Variants in LHX4 observed in about 807,000 individuals in gnomAD.
The protein encoded by LHX4 is LIM/homeobox protein Lhx4.
A neutral mutation model predicts 39.2 loss-of-function variants in LHX4; 16 were observed. The ratio of observed to expected loss-of-function variants is 0.41; its 90% CI spans 0.28 to 0.62. The LOEUF (loss-of-function observed/expected upper bound fraction) is 0.62. Ranked by LOEUF, LHX4 falls within the 20% of genes least tolerant of loss-of-function variation. The probability of loss-of-function intolerance (pLI) is 0.33; values close to 1 mark genes in which losing one functional copy is unlikely to be tolerated. For missense variants in LHX4, 439 were observed against 511.9 expected, an observed-to-expected ratio of 0.86 and a Z score of 1.37; for synonymous variants, 206 against 198.1, an observed-to-expected ratio of 1.04 and a Z score of -0.33.
At position 180,276,963 on chromosome 1, in the gene LHX4, AATAAT is replaced by A. The variant is rs1649074425; in HGVS notation, c.*2391_*2395del. The A allele has an allele frequency of 6.6e-6, 1 of 152,208 alleles. No individual in the cohort carries two copies. The highest frequency in any genetic ancestry group is 1.5e-5 in the Non-Finnish European group (1 of 68,038). 9.4% of individuals were successfully genotyped at this position (152,208 alleles called of 1,614,324 possible). On this transcript the variant is annotated 3_prime_UTR_variant, in exon 6 of 6. Transcript: ENST00000263726. Reference sequence around the variant, plus strand: ...AGGAGAGGCCTTCCTCATTTATACTAATAATATAATAAATCTCTTGAGGAACTCAG... The same window carrying A: ...AGGAGAGGCCTTCCTCATTTATACTAATAATAAATCTCTTGAGGAACTCAG...
rs567999911 is a variant in LHX4, at chr1:180,244,708, C to T, written c.77-3577C>T. 6.6e-5 allele frequency among the ~76,000 whole-genome samples: 10 copies of T among 152,350 alleles called. No individual in the cohort carries two copies. The South Asian group carries it at 2.1e-3, about 32-fold the overall frequency. ...ACAATTAGGTAGGAATCTGTGGCCC[C>T]TTTTGCCCAGGAGCCAAGGGAGGTG... On this transcript the variant is annotated intron_variant, in intron 1 of 5. Transcript: ENST00000263726.
At chr1:180,263,236 G>T (rs1194370562) in intron 2 of LHX4, among the ~76,000 whole-genome samples, 2 of 152,230 alleles carry the variant, frequency 1.3e-5, no homozygotes, top group African/African-American at 4.8e-5. Flanking sequence ...TTTACCTCGT[G>T]TGGGGCCAGG....
At chr1:180,259,264 C>G (rs1647999119) in intron 2 of LHX4, among the ~76,000 whole-genome samples, 1 of 152,082 alleles carries the variant, frequency 6.6e-6, no homozygotes, top group Non-Finnish European at 1.5e-5. Flanking sequence ...GGGTAGGGCA[C>G]TGCCTTGAAG....
chr1:180,229,189 G>A (rs966570434), upstream of LHX4, among the ~76,000 whole-genome samples: 3 of 152,238 alleles, frequency 2.0e-5, no homozygotes, highest in Admixed American at 6.5e-5. Flanking sequence ...GTTAACCCCG[G>A]CGTCCGTGTG....
chr1:180,240,910 TTG>T (rs1348068385), intron 1 of LHX4, among the ~76,000 whole-genome samples: 3 of 152,192 alleles, frequency 2.0e-5, no homozygotes, highest in Non-Finnish European at 4.4e-5. Context: ...GGCTATCACG[TTG>T]TGAGTTTTAA....
At position 180,274,685 on chromosome 1, in the gene LHX4, C is replaced by A. The variant is rs1648920964; in HGVS notation, c.*106C>A. ...ATCGAAAGTACGCCAATGTGAATTT[C>A]CATTATTTTCAATGGAAGTCCTCCG... On this transcript the variant is annotated 3_prime_UTR_variant, in exon 6 of 6. Coordinates refer to ENST00000263726, the MANE Select transcript of LHX4 (RefSeq NM_033343.4). 6.8e-6 allele frequency: 9 copies of A among 1,324,024 alleles called. No individual in the cohort carries two copies. The highest frequency in any genetic ancestry group is 9.2e-6 in the Non-Finnish European group (9 of 975,284). 82.0% of individuals were successfully genotyped at this position (1,324,024 alleles called of 1,614,324 possible). A position where few individuals can be genotyped will look rare whatever the true frequency, so the allele number is the denominator to read the frequency against.
At chr1:180,229,959 C>CGGAGGCGGGGGG (rs1238306398), upstream of LHX4, among the ~76,000 whole-genome samples, 7 of 22,728 alleles carry the variant, frequency 3.1e-4, no homozygotes, top group Admixed American at 1.0e-3. Flanking sequence ...GAGGCGGAGG[C>CGGAGGCGGGGGG]GGGGAGGGGG....
At chr1:180,272,766 G>C (rs375016051) in intron 5 of LHX4, 1 of 152,222 alleles carries the variant, frequency 6.6e-6, no homozygotes, top group African/African-American at 2.4e-5. Flanking sequence ...CTGTCAAATC[G>C]ATTCACTTCT....
chr1:180,257,930 T>C (rs1188934273), intron 2 of LHX4, among the ~76,000 whole-genome samples: 8 of 152,196 alleles, frequency 5.3e-5, no homozygotes, highest in African/African-American at 1.9e-4. Flanking sequence ...CTGGGGCAGT[T>C]ACTAACCCTC....
At chr1:180,239,833 T>G (rs888679309) in intron 1 of LHX4, among the ~76,000 whole-genome samples, 1 of 152,184 alleles carries the variant, frequency 6.6e-6, no homozygotes, top group African/African-American at 2.4e-5. Context: ...CTTAAGGCAC[T>G]CAGAGACTGG....
chr1:180,244,687 TTAGG>T (rs1443136525), intron 1 of LHX4, among the ~76,000 whole-genome samples: 2 of 152,068 alleles, frequency 1.3e-5, no homozygotes, highest in African/African-American at 4.8e-5. Context: ...CAAACAACAA[TTAGG>T]TAGGAATCTG....
chr1:180,274,549 G>T lies in LHX4; in HGVS notation c.1143G>T (p.Trp381Cys), dbSNP rs771085850. 1 of 1,593,852 alleles carries T rather than the reference G, an allele frequency of 6.3e-7. No individual in the cohort carries two copies. The highest frequency in any genetic ancestry group is 8.5e-7 in the Non-Finnish European group (1 of 1,169,742). ...ACTTTCCAACTAGCCCAGGCTCTTG[G>T]CTCGATGAAATGGATCATCCTCCTT... ...YPDFPTSPGS[W>C]LDEMDHPPF The change falls in exon 6 of 6, where the codon TGG becomes TGT. Residue 381 changes from tryptophan (W) to cysteine (C), a missense_variant. By Grantham distance (215) the Trp-to-Cys change is radical (BLOSUM62 -2). Transcript: ENST00000263726.
In LHX4 at chr1:180,266,717, C is replaced by A; in HGVS notation, c.451+123C>A. The A allele has an allele frequency of 1.1e-6, 1 of 945,952 alleles. No homozygotes were observed. Among genetic ancestry groups the A allele is most frequent in the Non-Finnish European group, 1.7e-6 (1 of 605,842 alleles). The allele number at this position is 945,952 out of a possible 1,614,324, so 58.6% of individuals were successfully genotyped here. ...CCCTCAGAGCCCTACTCATGCACCGCCACCTCTGAGAAGCGTCCCAGATCT... is the reference window on the plus strand; with the variant it reads ...CCCTCAGAGCCCTACTCATGCACCGACACCTCTGAGAAGCGTCCCAGATCT... On this transcript the variant is annotated intron_variant, in intron 3 of 5. Coordinates refer to ENST00000263726, the MANE Select transcript of LHX4 (RefSeq NM_033343.4). This position sits in a 1 kb window ranked among gnomAD's most constrained non-coding sequence, Gnocchi z 5.7.
At chr1:180,249,893 GTA>G (rs1266551435) in intron 2 of LHX4, among the ~76,000 whole-genome samples, 2 of 149,632 alleles carry the variant, frequency 1.3e-5, no homozygotes, top group Admixed American at 1.3e-4. Flanking sequence ...GTGAGTGTGT[GTA>G]TGAGTGTGTG....
chr1:180,230,725 G>A lies in LHX4; in HGVS notation c.76+120G>A. 1 of 895,604 alleles carries A rather than the reference G, an allele frequency of 1.1e-6. No homozygotes were observed. The highest frequency in any genetic ancestry group is 1.8e-6 in the Non-Finnish European group (1 of 552,402). 55.5% of individuals were successfully genotyped at this position (895,604 alleles called of 1,614,324 possible). On this transcript the variant is annotated intron_variant, in intron 1 of 5. Transcript: ENST00000263726. This position sits in a 1 kb window ranked among gnomAD's most constrained non-coding sequence, Gnocchi z 5.8. ...GAGGGGCTGGCGGCCGGGGCGCAGA[G>A]GCGGTCACAGGGCAGGGGCACCAGC...
intron 2 of LHX4, among the ~76,000 whole-genome samples, chr1:180,252,253 G>A (rs1647658382): frequency 6.6e-6 from 1 of 152,142 alleles, no homozygotes; most frequent in Non-Finnish European, 1.5e-5. Flanking sequence ...AGACCGTGCT[G>A]GGGCAGGAGG....
intron 2 of LHX4, among the ~76,000 whole-genome samples, chr1:180,259,818 G>A (rs1648030779): frequency 6.6e-6 from 1 of 151,666 alleles, no homozygotes; most frequent in Non-Finnish European, 1.5e-5. Flanking sequence ...AAGGGGAAGG[G>A]CAGTCCCTGG....
rs949861405 is a variant in LHX4, at chr1:180,276,524, A to G, written c.*1945A>G. 8 of 152,190 alleles carry G rather than the reference A, an allele frequency of 5.3e-5. No individual in the cohort carries two copies. Among genetic ancestry groups the G allele is most frequent in the African/African-American group, 1.7e-4 (7 of 41,432 alleles). 9.4% of individuals were successfully genotyped at this position (152,190 alleles called of 1,614,324 possible). A position where few individuals can be genotyped will look rare whatever the true frequency, so the allele number is the denominator to read the frequency against. ...CATGTTTATGGATGATGTTGTGTTA[A>G]TCCTAGCCAATTCTGTGCTATTGGG... On this transcript the variant is annotated 3_prime_UTR_variant, in exon 6 of 6. Transcript: ENST00000263726.
chr1:180,263,638 G>A lies in LHX4; in HGVS notation c.249-2754G>A, dbSNP rs1256015714. On this transcript the variant is annotated intron_variant, in intron 2 of 5. Transcript: ENST00000263726. ...ATTGCTAAAAAACGCTGGTGGGGAA[G>A]TCCACTTATTTTTCATTTTTCTTGT... 2.0e-5 allele frequency among the ~76,000 whole-genome samples: 3 copies of A among 152,358 alleles called. No individual in the cohort carries two copies. The East Asian group carries it at 5.8e-4, about 29-fold the overall frequency.
Sources: allele counts gnomAD v4.1 joint callset (sites outside exome capture counted in the v4.1 genomes callset), GRCh38; gene constraint gnomAD v4.1.1; non-coding constraint Gnocchi (gnomAD v3.1); transcripts MANE v1.5; gene names NCBI Gene and HGNC (gene_info 2026-07-23, HGNC 2026-07-21).